MEAF6: variants seen among roughly 807,000 people sequenced by gnomAD.
The protein encoded by MEAF6 is MYST/Esa1 associated factor 6.
A neutral mutation model predicts 28.9 loss-of-function variants in MEAF6; 15 were observed. That is an observed-to-expected ratio of 0.52 (90% CI 0.35 to 0.80). The LOEUF (loss-of-function observed/expected upper bound fraction) is 0.80. MEAF6 is among the 30% of genes least tolerant of loss of function. MEAF6 has a pLI of 0.01. For missense variants in MEAF6, 178 were observed against 237.5 expected (o/e 0.75, Z 1.65); for synonymous variants, 97 against 88.7 (o/e 1.09, Z -0.53).
At position 37,491,302 on chromosome 1, in the gene MEAF6, C is replaced by T. The variant is rs1268218282; in HGVS notation, c.*2797G>A. ...GGTGGATTACCTGAGGTCAGGAGTT[C>T]GAGACCAGCCTGCCCATCATGGCAA... On this transcript the variant is annotated 3_prime_UTR_variant, in exon 7 of 7. Transcript: ENST00000296214. Among the ~76,000 whole-genome samples, 3 of 152,218 alleles carry T rather than the reference C, an allele frequency of 2.0e-5. No homozygotes were observed. The highest frequency in any genetic ancestry group is 2.1e-4 in the South Asian group (1 of 4,818).
intron 5 of MEAF6, among the ~76,000 whole-genome samples, chr1:37,498,434 T>C (rs1337775398): frequency 6.8e-6 from 1 of 147,774 alleles, no homozygotes; most frequent in South Asian, 2.1e-4. Context: ...ATTATTATTA[T>C]TATTATTATT....
At chr1:37,510,071 CCAGA>C (rs1269009294) in intron 2 of MEAF6, among the ~76,000 whole-genome samples, 11 of 151,300 alleles carry the variant, frequency 7.3e-5, no homozygotes, top group Non-Finnish European at 1.5e-4. Flanking sequence ...GCCACCGCGC[CCAGA>C]CATTTTTTTT....
At chr1:37,507,653 T>C (rs1346450527) in intron 4 of MEAF6, among the ~76,000 whole-genome samples, 1 of 151,752 alleles carries the variant, frequency 6.6e-6, no homozygotes, top group African/African-American at 2.4e-5. Context: ...GATCAAATAT[T>C]TGAGTGATTA....
chr1:37,499,021 C>T (rs551554329), intron 5 of MEAF6, among the ~76,000 whole-genome samples: 5 of 152,080 alleles, frequency 3.3e-5, no homozygotes, highest in Admixed American at 2.6e-4. Context: ...CATGGTGGCA[C>T]ATGCCTGTAC....
intron 5 of MEAF6, chr1:37,496,693 C>G: frequency 6.3e-7 from 1 of 1,593,650 alleles, no homozygotes; most frequent in Non-Finnish European, 8.6e-7. Flanking sequence ...AATACTAATT[C>G]AAATCAAACT....
chr1:37,491,729 A>AAT lies in MEAF6; in HGVS notation c.*2369_*2370insAT, dbSNP rs1377698564. Among the ~76,000 whole-genome samples the AAT allele has an allele frequency of 1.3e-5, 2 of 150,706 alleles. No homozygotes were observed. The highest frequency in any genetic ancestry group is 6.6e-5 in the Admixed American group (1 of 15,108). On this transcript the variant is annotated 3_prime_UTR_variant, in exon 7 of 7. Transcript: ENST00000296214. ...AAATAAATAAATAAATAAATAAATA[A>AAT]AATATATAAATACTTAAATAATCTT...
chr1:37,500,671 G>A (rs1356051896), intron 5 of MEAF6, among the ~76,000 whole-genome samples: 2 of 152,128 alleles, frequency 1.3e-5, no homozygotes, highest in Non-Finnish European at 2.9e-5. Context: ...ACCAGCTGAC[G>A]CCAATCAAGG....
At chr1:37,494,469 C>CG (rs1414269126) in intron 6 of MEAF6, among the ~76,000 whole-genome samples, 1 of 141,278 alleles carries the variant, frequency 7.1e-6, no homozygotes, top group African/African-American at 2.6e-5. Context: ...GAGCCAAGAT[C>CG]GCGCCATTGC....
At position 37,514,700 on chromosome 1, in the gene MEAF6, C is replaced by T; in HGVS notation, c.47G>A (p.Arg16Gln). 3.3e-6 allele frequency: 5 copies of T among 1,531,642 alleles called. No homozygotes were observed. The highest frequency in any genetic ancestry group is 4.4e-6 in the Non-Finnish European group (5 of 1,142,336). The allele number at this position is 1,531,642 out of a possible 1,614,324, so 94.9% of individuals were successfully genotyped here. A position where few individuals can be genotyped will look rare whatever the true frequency, so the allele number is the denominator to read the frequency against. The stretch of plus-strand genomic sequence containing the variant: ...CTTCACGAGCTCCGCCAGCTCCCGC[C>T]GGGTGTCCGGGATCTGCGGCGGCGC... ...KAAPPQIPDT[R>Q]RELAELVKRK... Residue 16 changes from arginine to glutamine, a missense_variant, in exon 1 of 7, where the codon CGG becomes CAG. By Grantham distance (43) the Arg-to-Gln change is conservative (BLOSUM62 1). Around this residue, in one of 2 missense-constraint regions of MEAF6, gnomAD observed 54 missense variants for 37.0 expected, o/e 1.46. Transcript: ENST00000296214.
intron 6 of MEAF6, among the ~76,000 whole-genome samples, chr1:37,494,394 A>C (rs1043412358): frequency 1.3e-5 from 2 of 151,818 alleles, no homozygotes; most frequent in Admixed American, 6.6e-5. Context: ...GGGCACCTGT[A>C]ATTCCAGCTA....
At chr1:37,498,873 G>A (rs916688692) in intron 5 of MEAF6, among the ~76,000 whole-genome samples, 20 of 152,048 alleles carry the variant, frequency 1.3e-4, no homozygotes, top group Admixed American at 9.8e-4. Context: ...ATATTCTGGC[G>A]GGGTGTGGTG....
intron 4 of MEAF6, among the ~76,000 whole-genome samples, chr1:37,502,662 G>C (rs1215174313): frequency 1.4e-5 from 2 of 146,416 alleles, no homozygotes; most frequent in Non-Finnish European, 3.0e-5. Flanking sequence ...CTGTCACCTA[G>C]GCTGGAGTGC....
intron 5 of MEAF6, among the ~76,000 whole-genome samples, chr1:37,498,600 G>A (rs942066137): frequency 4.0e-5 from 6 of 151,520 alleles, no homozygotes; most frequent in Admixed American, 1.3e-4. Flanking sequence ...GTTAATTACT[G>A]TGTTTTTTTG....
chr1:37,493,481 A>T lies in MEAF6; in HGVS notation c.*618T>A, dbSNP rs1369348152. ...AACACTCTTTACCTCCCCTTGCAAA[A>T]AACAGAGGCAAGTTTCCCATTTTAC... On this transcript the variant is annotated 3_prime_UTR_variant, in exon 7 of 7. Coordinates refer to ENST00000296214, the MANE Select transcript of MEAF6 (RefSeq NM_001270875.3). The T allele has an allele frequency of 2.3e-6, 1 of 437,906 alleles. No individual in the cohort carries two copies. The highest frequency in any genetic ancestry group is 2.1e-5 in the African/African-American group (1 of 48,700). 27.1% of individuals were successfully genotyped at this position (437,906 alleles called of 1,614,324 possible).
At chr1:37,502,845 C>T (rs1642359522) in intron 4 of MEAF6, among the ~76,000 whole-genome samples, 2 of 152,072 alleles carry the variant, frequency 1.3e-5, no homozygotes, top group African/African-American at 4.8e-5. Context: ...GTCTTGAACT[C>T]CTAGGCTCAA....
At position 37,501,958 on chromosome 1, in the gene MEAF6, C is replaced by T; in HGVS notation, c.379G>A (p.Asp127Asn). 6.2e-7 allele frequency: 1 copy of T among 1,608,964 alleles called. No individual in the cohort carries two copies. Among genetic ancestry groups the T allele is most frequent in the Non-Finnish European group, 8.5e-7 (1 of 1,176,240 alleles). The change falls in exon 5 of 7, where the codon GAC becomes AAC. Residue 127 changes from aspartate (D) to asparagine (N), a missense_variant. By Grantham distance (23) the Asp-to-Asn change is conservative (BLOSUM62 1). Coordinates refer to ENST00000296214, the MANE Select transcript of MEAF6 (RefSeq NM_001270875.3). ...GGCTCATTTTCCTGATTGTGGAAGT[C>T]TGGAGAAGTGTCACTTTCCGTCCCA... is the stretch of plus-strand genomic sequence containing the variant. ...GSGTESDTSP[D>N]FHNQENEPSQ... is the part of the protein sequence containing the mutation.
At chr1:37,502,389 A>C (rs1642338279) in intron 4 of MEAF6, among the ~76,000 whole-genome samples, 1 of 152,014 alleles carries the variant, frequency 6.6e-6, no homozygotes, top group Admixed American at 6.6e-5. Context: ...AGTCTTAAAA[A>C]TATATATGTT....
rs1641940684 is a variant in MEAF6, at chr1:37,491,817, G to A, written c.*2282C>T. ...ACTATGAGAGTCAAAAATATTTTAA[G>A]GTCTGCTGTGTGCTTTCCTCAGAGG... On this transcript the variant is annotated 3_prime_UTR_variant, in exon 7 of 7. Transcript: ENST00000296214. 6.6e-6 allele frequency among the ~76,000 whole-genome samples: 1 copy of A among 151,606 alleles called. No individual in the cohort carries two copies. Among genetic ancestry groups the A allele is most frequent in the African/African-American group, 2.4e-5 (1 of 41,300 alleles).
chr1:37,494,515 CAAAAAAA>C (rs35851858), intron 6 of MEAF6, among the ~76,000 whole-genome samples: 4 of 82,250 alleles, frequency 4.9e-5, no homozygotes, highest in Non-Finnish European at 6.5e-5. Context: ...AACTCTGTTT[CAAAAAAA>C]AAAAAAAAAA....
Sources: allele counts gnomAD v4.1 joint callset (sites outside exome capture counted in the v4.1 genomes callset), GRCh38; gene constraint gnomAD v4.1.1; regional missense constraint gnomAD v4.1.1; transcripts MANE v1.5; gene names NCBI Gene and HGNC (gene_info 2026-07-23, HGNC 2026-07-21).